Variants in XKR4 observed in about 807,000 individuals in gnomAD.
The protein encoded by XKR4 is XK-related protein 4.
XKR4 carries 12 observed loss-of-function variants against 53.9 expected under a neutral mutation model. The ratio of observed to expected loss-of-function variants is 0.22; its 90% CI spans 0.14 to 0.36. XKR4 has a LOEUF of 0.36. Ranked by LOEUF, XKR4 falls within the 10% of genes least tolerant of loss-of-function variation. The probability of loss-of-function intolerance (pLI) is 1.00; values close to 1 mark genes in which losing one functional copy is unlikely to be tolerated. For synonymous variants in XKR4, 354 were observed against 362.4 expected (o/e 0.98, Z 0.26); for missense variants, 799 against 859.5 (o/e 0.93, Z 0.88).
At chr8:55,449,770 GA>G in intron 2 of XKR4, 1 of 1,160,626 alleles carries the variant, frequency 8.6e-7, no homozygotes, top group Non-Finnish European at 1.3e-6. Context: ...TGTCTAACAT[GA>G]ACCAGCGGGC....
intron 2 of XKR4, among the ~76,000 whole-genome samples, chr8:55,465,264 G>C (rs1169669293): frequency 6.6e-6 from 1 of 152,112 alleles, no homozygotes; most frequent in Non-Finnish European, 1.5e-5. Flanking sequence ...AACCAAAACA[G>C]CATGGTACTG....
At position 55,193,336 on chromosome 8, in the gene XKR4, CCTT is replaced by C. The variant is rs1051662198; in HGVS notation, c.806+90047_806+90049del. 1.5e-4 allele frequency among the ~76,000 whole-genome samples: 23 copies of C among 152,214 alleles called. No homozygotes were observed. The East Asian group carries it at 3.1e-3, about 21-fold the overall frequency. ...TCCCTTGTTTTTCGCTTGCTCCAGT[CCTT>C]CTTCCCTCCCCAGGTCTCTCCGCCA... On this transcript the variant is annotated intron_variant, in intron 1 of 2. Transcript: ENST00000327381.
chr8:55,385,561 T>A (rs937161539), intron 2 of XKR4, among the ~76,000 whole-genome samples: 6 of 152,194 alleles, frequency 3.9e-5, no homozygotes, highest in African/African-American at 1.4e-4. Context: ...CAATATCTAC[T>A]GAATAAGTGA....
At chr8:55,332,903 T>C (rs1803401853) in intron 1 of XKR4, among the ~76,000 whole-genome samples, 1 of 151,768 alleles carries the variant, frequency 6.6e-6, no homozygotes, top group South Asian at 2.1e-4. Flanking sequence ...TCCCTCAGGC[T>C]CTATTTACTT....
chr8:55,203,620 G>T (rs1817604930), intron 1 of XKR4, among the ~76,000 whole-genome samples: 1 of 152,174 alleles, frequency 6.6e-6, no homozygotes, highest in Non-Finnish European at 1.5e-5. Context: ...CTCAGCCTGG[G>T]CTGGAGTTAG....
intron 2 of XKR4, among the ~76,000 whole-genome samples, chr8:55,467,293 T>G (rs1012016622): frequency 6.6e-6 from 1 of 152,180 alleles, no homozygotes; most frequent in African/African-American, 2.4e-5. Context: ...AGAGCTCATT[T>G]GGTTAGACCA....
intron 2 of XKR4, among the ~76,000 whole-genome samples, chr8:55,503,824 T>C (rs143414057): frequency 2.6e-4 from 39 of 152,304 alleles, no homozygotes; most frequent in Non-Finnish European, 4.3e-4. Flanking sequence ...CAAGTATTTT[T>C]TTAGCTGTGG....
At chr8:55,364,661 C>G (rs1677739967) in intron 2 of XKR4, among the ~76,000 whole-genome samples, 1 of 152,044 alleles carries the variant, frequency 6.6e-6, no homozygotes, top group African/African-American at 2.4e-5. Context: ...GAGACAGAGT[C>G]TTGCTCTGTT....
intron 1 of XKR4, among the ~76,000 whole-genome samples, chr8:55,352,550 G>A (rs1803739089): frequency 6.6e-6 from 1 of 152,222 alleles, no homozygotes; most frequent in Non-Finnish European, 1.5e-5. Context: ...CACACTAGAA[G>A]CAATGGGAAG....
Position 55,538,483 on chromosome 8 carries a change from CTA to C in XKR4, c.*14257_*14258del, listed in dbSNP as rs1033120122. On this transcript the variant is annotated 3_prime_UTR_variant, in exon 3 of 3. Transcript: ENST00000327381. Reference sequence around the variant, plus strand: ...AATGGTTCTTCATCACTATATAAAACTAACACTTTTCCTTCAAAGGTCTATGT... The same window carrying C: ...AATGGTTCTTCATCACTATATAAAACACACTTTTCCTTCAAAGGTCTATGT... 6.6e-6 allele frequency: 1 copy of C among 152,224 alleles called. No homozygotes were observed. Among genetic ancestry groups the C allele is most frequent in the African/African-American group, 2.4e-5 (1 of 41,446 alleles). The allele number at this position is 152,224 out of a possible 1,614,324, so 9.4% of individuals were successfully genotyped here.
intron 1 of XKR4, among the ~76,000 whole-genome samples, chr8:55,310,113 C>T (rs1046802035): frequency 5.9e-5 from 9 of 151,764 alleles, no homozygotes; most frequent in Non-Finnish European, 1.0e-4. Context: ...GCTCCATTAC[C>T]CCCTCTAAAA....
intron 1 of XKR4, among the ~76,000 whole-genome samples, chr8:55,303,710 C>T (rs1179280413): frequency 1.3e-5 from 2 of 151,868 alleles, no homozygotes; most frequent in Non-Finnish European, 2.9e-5. Flanking sequence ...TCAACTTCTT[C>T]CTGGTTTAGT....
chr8:55,403,099 C>G (rs1774543737), intron 2 of XKR4, among the ~76,000 whole-genome samples: 1 of 152,188 alleles, frequency 6.6e-6, no homozygotes, highest in African/African-American at 2.4e-5. Flanking sequence ...ACCATTCTGT[C>G]CCTGCAGAAT....
chr8:55,253,869 C>T (rs537140174), intron 1 of XKR4, among the ~76,000 whole-genome samples: 4 of 151,804 alleles, frequency 2.6e-5, no homozygotes, highest in East Asian at 3.9e-4. Flanking sequence ...TGTAAGTGCA[C>T]GTCACCATGC....
intron 2 of XKR4, among the ~76,000 whole-genome samples, chr8:55,443,185 T>C (rs114552412): frequency 0.015 from 2,307 of 152,218 alleles, 56 homozygotes; most frequent in African/African-American, 0.053. Context: ...ATAAAAATTA[T>C]AGGACATGTT....
chr8:55,251,355 G>A (rs1364242933), intron 1 of XKR4, among the ~76,000 whole-genome samples: 1 of 152,216 alleles, frequency 6.6e-6, no homozygotes, highest in East Asian at 1.9e-4. Context: ...GTCAGAGACA[G>A]CTTTCAGCTG....
chr8:55,151,019 C>G (rs1342341411), intron 1 of XKR4, among the ~76,000 whole-genome samples: 1 of 152,128 alleles, frequency 6.6e-6, no homozygotes, highest in East Asian at 1.9e-4. Flanking sequence ...CTAATTTTGG[C>G]AATTACTCAA....
intron 1 of XKR4, among the ~76,000 whole-genome samples, chr8:55,251,196 G>A (rs4236968): frequency 0.94 from 143,146 of 152,254 alleles, 67,372 homozygotes; most frequent in Non-Finnish European, 0.95. Context: ...CGGTGTAGGT[G>A]TAGGTATAAT....
At chr8:55,435,612 C>T (rs1278435804) in intron 2 of XKR4, among the ~76,000 whole-genome samples, 4 of 148,442 alleles carry the variant, frequency 2.7e-5, no homozygotes, top group Non-Finnish European at 4.4e-5. Flanking sequence ...CTCTTTCTCT[C>T]AAGAAAGAGT....
Sources: allele counts gnomAD v4.1 joint callset (sites outside exome capture counted in the v4.1 genomes callset), GRCh38; gene constraint gnomAD v4.1.1; transcripts MANE v1.5; gene names NCBI Gene and HGNC (gene_info 2026-07-23, HGNC 2026-07-21).